Variants in ESRRG observed in about 807,000 individuals in gnomAD.
ESRRG encodes estrogen-related receptor gamma.
Under a neutral mutation model 44.0 loss-of-function variants are expected in ESRRG, and 13 were observed. The observed-to-expected ratio is 0.30, with a 90% confidence interval of 0.19 to 0.47. ESRRG has a LOEUF of 0.47. Ranked by LOEUF, ESRRG falls within the 20% of genes least tolerant of loss-of-function variation. The pLI is 1.00. For synonymous variants in ESRRG, 215 were observed against 214.6 expected (o/e 1.00, Z -0.02); for missense variants, 395 against 580.6 (o/e 0.68, Z 3.29).
chr1:216,617,274 C>G (rs985595391), intron 3 of ESRRG, among the ~76,000 whole-genome samples: 1 of 151,978 alleles, frequency 6.6e-6, no homozygotes, highest in African/African-American at 2.4e-5. Context: ...TTAAAAGAAT[C>G]GTGGCTGAAG....
intron 2 of ESRRG, among the ~76,000 whole-genome samples, chr1:216,912,267 GGAGGGGAGGA>G (rs2060558364): frequency 1.4e-4 from 5 of 36,622 alleles, no homozygotes; most frequent in Admixed American, 3.1e-4. Flanking sequence ...AGAGGAGAGG[GGAGGGGAGGA>G]GAGGGGAGGA....
chr1:216,814,686 A>G (rs577711210), intron 2 of ESRRG, among the ~76,000 whole-genome samples: 1 of 152,336 alleles, frequency 6.6e-6, no homozygotes, highest in South Asian at 2.1e-4. Context: ...AAAATACTCC[A>G]GCACACCTTC....
At chr1:216,919,657 GA>G (rs1274745081) in intron 2 of ESRRG, among the ~76,000 whole-genome samples, 2 of 152,108 alleles carry the variant, frequency 1.3e-5, no homozygotes, top group African/African-American at 4.8e-5. Context: ...CTAGAAATCA[GA>G]CAAGAAAAAC....
At chr1:216,747,549 G>A (rs758002719) in intron 2 of ESRRG, among the ~76,000 whole-genome samples, 4 of 152,132 alleles carry the variant, frequency 2.6e-5, no homozygotes, top group Non-Finnish European at 5.9e-5. Context: ...ACACAGGAAG[G>A]TAGAGCAACT....
intron 2 of ESRRG, among the ~76,000 whole-genome samples, chr1:216,855,530 G>A (rs1348887847): frequency 6.6e-6 from 1 of 152,170 alleles, no homozygotes; most frequent in African/African-American, 2.4e-5. Flanking sequence ...CCTGAGGCCA[G>A]CTAAAGTGGA....
rs1256703299 is a variant in ESRRG, at chr1:216,503,337, T to C, written c.*3602A>G. On this transcript the variant is annotated 3_prime_UTR_variant, in exon 7 of 7. Transcript: ENST00000408911. ...GTTACACATCTGAACTGATTGGAGTTACAGAATCATATCTCCTTTTTGCAT... is the reference window on the plus strand; with the variant it reads ...GTTACACATCTGAACTGATTGGAGTCACAGAATCATATCTCCTTTTTGCAT... 2 of 152,432 alleles carry C rather than the reference T, an allele frequency of 1.3e-5. No individual in the cohort carries two copies. The highest frequency in any genetic ancestry group is 2.9e-5 in the Non-Finnish European group (2 of 67,998). The allele number at this position is 152,432 out of a possible 1,614,324, so 9.4% of individuals were successfully genotyped here. A position where few individuals can be genotyped will look rare whatever the true frequency, so the allele number is the denominator to read the frequency against.
At chr1:216,788,983 A>G (rs2094222019) in intron 2 of ESRRG, among the ~76,000 whole-genome samples, 1 of 152,162 alleles carries the variant, frequency 6.6e-6, no homozygotes, top group Admixed American at 6.6e-5. Context: ...AAACTTGAAT[A>G]GAGGAGGAGT....
intron 1 of ESRRG, among the ~76,000 whole-genome samples, chr1:216,712,260 C>G (rs2083778538): frequency 6.6e-6 from 1 of 152,138 alleles, no homozygotes; most frequent in Non-Finnish European, 1.5e-5. Flanking sequence ...TTTGGTGAAG[C>G]CACTTAGCAA....
intron 5 of ESRRG, among the ~76,000 whole-genome samples, chr1:216,563,381 T>C (rs1308923181): frequency 6.6e-6 from 1 of 152,196 alleles, no homozygotes; most frequent in Non-Finnish European, 1.5e-5. Flanking sequence ...ATAAATTGGT[T>C]TCAGTGTGGG....
chr1:216,806,651 C>T (rs1012174715), intron 2 of ESRRG, among the ~76,000 whole-genome samples: 2 of 152,088 alleles, frequency 1.3e-5, no homozygotes, highest in Non-Finnish European at 2.9e-5. Flanking sequence ...TAGTCCTGCC[C>T]CAGTGTATTA....
At chr1:216,828,389 G>A (rs1342575490) in intron 2 of ESRRG, among the ~76,000 whole-genome samples, 1 of 152,106 alleles carries the variant, frequency 6.6e-6, no homozygotes, top group Admixed American at 6.6e-5. Context: ...TTTTTGCAAA[G>A]CGCTTCCTTC....
chr1:216,566,797 A>G (rs1225663953), intron 4 of ESRRG, among the ~76,000 whole-genome samples: 1 of 152,242 alleles, frequency 6.6e-6, no homozygotes, highest in Non-Finnish European at 1.5e-5. Flanking sequence ...CAGATTGGAC[A>G]ATTGAAGGTA....
intron 3 of ESRRG, among the ~76,000 whole-genome samples, chr1:216,570,791 G>A (rs1436270710): frequency 6.6e-6 from 1 of 152,148 alleles, no homozygotes; most frequent in Non-Finnish European, 1.5e-5. Context: ...CACTAAAATT[G>A]TTAGAGCCAA....
intron 1 of ESRRG, among the ~76,000 whole-genome samples, chr1:217,080,036 C>A (rs2091622098): frequency 6.6e-6 from 1 of 152,134 alleles, no homozygotes; most frequent in Admixed American, 6.6e-5. Context: ...GCCTAAACAT[C>A]AATCCAAGCT....
chr1:216,632,234 T>C lies in ESRRG; in HGVS notation c.589+18739A>G, dbSNP rs1450916909. ...GTCTCCCTACCCTGACTTTAGCTAA[T>C]GGCTCACTGACTTAAGTCTCATTTT... is the stretch of plus-strand genomic sequence containing the variant. On this transcript the variant is annotated intron_variant, in intron 3 of 6. Transcript: ENST00000408911. Among the ~76,000 whole-genome samples the C allele has an allele frequency of 2.0e-5, 3 of 152,334 alleles. No individual in the cohort carries two copies. In the East Asian group the frequency reaches 5.8e-4, roughly 29 times the overall value.
chr1:216,909,636 C>T (rs899373913), intron 2 of ESRRG, among the ~76,000 whole-genome samples: 9 of 152,152 alleles, frequency 5.9e-5, no homozygotes, highest in African/African-American at 2.2e-4. Context: ...CTACCCACCT[C>T]AGCCTCCCAA....
At chr1:217,053,063 G>A (rs1558123108) in intron 1 of ESRRG, among the ~76,000 whole-genome samples, 1 of 150,608 alleles carries the variant, frequency 6.6e-6, no homozygotes, top group East Asian at 2.0e-4. Context: ...CAGCTGGGAG[G>A]CTGAGGTGGA....
chr1:216,852,280 A>T (rs61132941), intron 2 of ESRRG, among the ~76,000 whole-genome samples: 2,922 of 143,286 alleles, frequency 0.02, 105 homozygotes, highest in African/African-American at 0.084. Context: ...CTTGGCACTC[A>T]GTTACAATGA....
At chr1:216,779,171 A>ATT (rs2093733719) in intron 2 of ESRRG, among the ~76,000 whole-genome samples, 1 of 84,262 alleles carries the variant, frequency 1.2e-5, no homozygotes, top group African/African-American at 4.3e-5. Flanking sequence ...ATAAATATAT[A>ATT]TATAATTATA....
Sources: allele counts gnomAD v4.1 joint callset (sites outside exome capture counted in the v4.1 genomes callset), GRCh38; gene constraint gnomAD v4.1.1; transcripts MANE v1.5; gene names NCBI Gene and HGNC (gene_info 2026-07-23, HGNC 2026-07-21).